Variants in TRIM2 observed in about 807,000 individuals in gnomAD.
TRIM2 encodes tripartite motif containing 2.
Under a neutral mutation model 75.2 loss-of-function variants are expected in TRIM2, and 20 were observed. The observed-to-expected ratio is 0.27, with a 90% CI of 0.19 to 0.39. The LOEUF is 0.39. TRIM2 is among the 10% of genes least tolerant of loss of function. The pLI, the probability that TRIM2 is intolerant of heterozygous loss-of-function variation, is 1.00. For synonymous variants in TRIM2, 373 were observed against 388.3 expected (o/e 0.96, Z 0.46); for missense variants, 660 against 990.8 (o/e 0.67, Z 4.48).
At chr4:153,207,001 C>T (rs796361067) in intron 1 of TRIM2, among the ~76,000 whole-genome samples, 1 of 152,100 alleles carries the variant, frequency 6.6e-6, no homozygotes, top group African/African-American at 2.4e-5. Context: ...CAGATCCTCC[C>T]GCCTCAGCCT....
rs192446410 is a variant in TRIM2, at chr4:153,239,965, G to A, written c.31-30370G>A. ...TTCTCCTGTCTCAGCCTCCCGAGTA[G>A]TTGGGACTGCATCCACGCGCCACAC... is the stretch of plus-strand genomic sequence containing the variant. On this transcript the variant is annotated intron_variant, in intron 1 of 11. Coordinates refer to ENST00000338700, the MANE Select transcript of TRIM2 (RefSeq NM_015271.5). 2.9e-3 allele frequency among the ~76,000 whole-genome samples: 436 copies of A among 151,790 alleles called. 11 individuals carry two copies. The highest frequency in any genetic ancestry group is 9.7e-4 in the East Asian group (5 of 5,152).
At chr4:153,189,532 G>A (rs1732966520) in intron 1 of TRIM2, among the ~76,000 whole-genome samples, 1 of 152,112 alleles carries the variant, frequency 6.6e-6, no homozygotes, top group Admixed American at 6.6e-5. Flanking sequence ...ACTAGAATGG[G>A]GATTATGGTG....
chr4:153,211,627 A>G (rs1367164980), intron 1 of TRIM2, among the ~76,000 whole-genome samples: 2 of 151,486 alleles, frequency 1.3e-5, no homozygotes, highest in African/African-American at 4.9e-5. Context: ...CTGGGACTAC[A>G]GGCATGCACC....
At chr4:153,158,946 G>T (rs1729485330) in intron 1 of TRIM2, among the ~76,000 whole-genome samples, 1 of 152,222 alleles carries the variant, frequency 6.6e-6, no homozygotes, top group African/African-American at 2.4e-5. Flanking sequence ...GGAGACCGGT[G>T]GTTGGGGTTT....
intron 1 of TRIM2, among the ~76,000 whole-genome samples, chr4:153,265,957 A>G (rs1754924636): frequency 6.6e-6 from 1 of 152,116 alleles, no homozygotes; most frequent in African/African-American, 2.4e-5. Context: ...GTCTGATGTC[A>G]TAGGGATGTG....
intron 1 of TRIM2, among the ~76,000 whole-genome samples, chr4:153,261,445 C>T (rs1471117418): frequency 6.6e-6 from 1 of 152,000 alleles, no homozygotes; most frequent in Non-Finnish European, 1.5e-5. Flanking sequence ...AAAAAGGCAT[C>T]TTAATAAATA....
At chr4:153,162,443 C>A (rs1579243274) in intron 1 of TRIM2, among the ~76,000 whole-genome samples, 1 of 152,292 alleles carries the variant, frequency 6.6e-6, no homozygotes, top group East Asian at 1.9e-4. Flanking sequence ...AGACCATCTG[C>A]TGGAAAGTTC....
intron 6 of TRIM2, among the ~76,000 whole-genome samples, chr4:153,300,119 G>A (rs1763561946): frequency 6.6e-6 from 1 of 152,146 alleles, no homozygotes; most frequent in South Asian, 2.1e-4. Context: ...GGGATTGCTG[G>A]TTCATATGAT....
At chr4:153,171,852 TTTC>T (rs1042180286) in intron 1 of TRIM2, among the ~76,000 whole-genome samples, 17 of 115,390 alleles carry the variant, frequency 1.5e-4, no homozygotes, top group Non-Finnish European at 2.0e-4. Context: ...TTTTTTTTTT[TTTC>T]GCTAATGTAT....
At chr4:153,236,985 C>A (rs1026187771) in intron 1 of TRIM2, among the ~76,000 whole-genome samples, 1 of 152,176 alleles carries the variant, frequency 6.6e-6, no homozygotes, top group African/African-American at 2.4e-5. Context: ...TGAGCCACCT[C>A]GCACAGCCAG....
intron 1 of TRIM2, among the ~76,000 whole-genome samples, chr4:153,220,981 A>G (rs1250634908): frequency 6.6e-6 from 1 of 152,126 alleles, no homozygotes; most frequent in Non-Finnish European, 1.5e-5. Flanking sequence ...CAGTGATTTC[A>G]CTCCTAGGTA....
upstream of TRIM2, among the ~76,000 whole-genome samples, chr4:153,203,126 A>G (rs10023780): frequency 0.36 from 51,842 of 143,806 alleles, 11,463 homozygotes; most frequent in African/African-American, 0.65. Context: ...AAAAAAAAAA[A>G]AGTGGAATTT....
At chr4:153,177,883 C>T (rs1731634042) in intron 1 of TRIM2, among the ~76,000 whole-genome samples, 1 of 151,968 alleles carries the variant, frequency 6.6e-6, no homozygotes. Context: ...CTCACTGCAA[C>T]CTCCACCTCC....
intron 1 of TRIM2, among the ~76,000 whole-genome samples, chr4:153,237,566 A>G (rs899993472): frequency 6.6e-6 from 1 of 152,046 alleles, no homozygotes; most frequent in African/African-American, 2.4e-5. Flanking sequence ...TGTAATCCCA[A>G]CTACTCAGGA....
Position 153,295,643 on chromosome 4 carries a change from G to A in TRIM2, c.1117G>A (p.Val373Ile), listed in dbSNP as rs762385253. ...GACCATCATCGGGCAGCCCATGTCC[G>A]TCACCATCACCACCAAGGACAAAGA... is the stretch of plus-strand genomic sequence containing the variant. ...RQTIIGQPMS[V>I]TITTKDKDGE... is the part of the protein sequence containing the mutation. Residue 373 changes from valine (V) to isoleucine (I), a missense_variant, in exon 6 of 12, where the codon GTC becomes ATC. Coordinates refer to ENST00000338700, the MANE Select transcript of TRIM2 (RefSeq NM_015271.5). This position sits in a 1 kb window ranked among gnomAD's most constrained non-coding sequence, Gnocchi z 7.2. The A allele has an allele frequency of 6.2e-7, 1 of 1,613,946 alleles. No individual in the cohort carries two copies. The highest frequency in any genetic ancestry group is 1.7e-5 in the Admixed American group (1 of 60,012).
chr4:153,307,650 G>T, intron 6 of TRIM2: 1 of 447,694 alleles, frequency 2.2e-6, no homozygotes. Context: ...CAATGCTAAC[G>T]TCATCCTCAC....
At chr4:153,211,567 A>T (rs145807724) in intron 1 of TRIM2, among the ~76,000 whole-genome samples, 1 of 147,774 alleles carries the variant, frequency 6.8e-6, no homozygotes, top group Non-Finnish European at 1.5e-5. Flanking sequence ...GGCTCACTGC[A>T]GCCTTCACCT....
intron 1 of TRIM2, among the ~76,000 whole-genome samples, chr4:153,251,942 C>T (rs1750981169): frequency 6.6e-6 from 1 of 151,836 alleles, no homozygotes; most frequent in Non-Finnish European, 1.5e-5. Context: ...TGCACTCCCA[C>T]TCCAGCTTGG....
At chr4:153,242,584 A>C (rs955015313) in intron 1 of TRIM2, among the ~76,000 whole-genome samples, 1 of 152,210 alleles carries the variant, frequency 6.6e-6, no homozygotes, top group African/African-American at 2.4e-5. Flanking sequence ...GCTATTTGCT[A>C]TTCCTCAGCA....
Sources: gnomAD v4.1 joint callset for allele counts (sites outside exome capture counted in the v4.1 genomes callset) on GRCh38, gnomAD v4.1.1 for gene constraint, Gnocchi (gnomAD v3.1) non-coding constraint, MANE v1.5 for transcripts, NCBI Gene and HGNC (gene_info 2026-07-23, HGNC 2026-07-21) for gene names.